The following SLC4A5 variants were observed in gnomAD, a reference collection of about 807,000 sequenced individuals.
SLC4A5 encodes solute carrier family 4 member 5, also known as electrogenic sodium bicarbonate cotransporter 4.
Under a neutral mutation model 120.4 loss-of-function variants are expected in SLC4A5, and 96 were observed. That is an observed-to-expected ratio of 0.80 (90% CI 0.68 to 0.94). The LOEUF (loss-of-function observed/expected upper bound fraction) is 0.94. Among genes scored for constraint, SLC4A5 ranks in the 40% least tolerant of loss-of-function variants. The pLI is 0.00. For synonymous variants in SLC4A5, 550 were observed against 571.1 expected, an observed-to-expected ratio of 0.96 and a Z score of 0.53; for missense variants, 1,259 against 1,459.5, an observed-to-expected ratio of 0.86 and a Z score of 2.24.
rs902043584 is a variant in SLC4A5, at chr2:74,221,017, A to AT, written c.*33+416dup. ...CACCATGCCCAGCTAATTTTTTTGT[A>AT]TTTTTTTAGTAGAGACGGGGTTTCA... is the stretch of plus-strand genomic sequence containing the variant. On this transcript the variant is annotated intron_variant, in intron 30 of 30. Transcript: ENST00000394019. Among the ~76,000 whole-genome samples, 6 of 134,060 alleles carry AT rather than the reference A, an allele frequency of 4.5e-5. No individual in the cohort carries two copies. The South Asian group carries it at 7.3e-4, about 16-fold the overall frequency. 87.9% of individuals were successfully genotyped at this position (134,060 alleles called of 152,430 possible). A position where few individuals can be genotyped will look rare whatever the true frequency, so the allele number is the denominator to read the frequency against.
At chr2:74,259,400 C>T (rs1162381928) in intron 12 of SLC4A5, among the ~76,000 whole-genome samples, 188 bp downstream of exon 12, 4 of 152,186 alleles carry the variant, frequency 2.6e-5, no homozygotes, top group Non-Finnish European at 4.4e-5. Flanking sequence ...CCTGGGACTC[C>T]GTCATTCCCC....
intron 6 of SLC4A5, among the ~76,000 whole-genome samples, chr2:74,311,623 C>T (rs1672807870): frequency 6.6e-6 from 1 of 151,836 alleles, no homozygotes; most frequent in Non-Finnish European, 1.5e-5. Context: ...AGTAATCTTT[C>T]TGTTATTGAT....
At chr2:74,316,968 T>C (rs1028515170) in intron 5 of SLC4A5, among the ~76,000 whole-genome samples, 3 of 152,250 alleles carry the variant, frequency 2.0e-5, no homozygotes, top group Admixed American at 2.0e-4. Flanking sequence ...TTAAATGTTA[T>C]GGCTCCATCC....
intron 8 of SLC4A5, among the ~76,000 whole-genome samples, chr2:74,276,469 T>G (rs1671642851): frequency 6.6e-6 from 1 of 152,208 alleles, no homozygotes; most frequent in African/African-American, 2.4e-5. Context: ...TAGGGATTGA[T>G]GTAGTGCTGC....
At chr2:74,259,684 G>A (rs539663802) in intron 11 of SLC4A5, 41 bp from the exon 12 acceptor site, 1 of 1,604,260 alleles carries the variant, frequency 6.2e-7, no homozygotes, top group East Asian at 2.2e-5. Context: ...GGGAAGCCAG[G>A]CTCTTGCAGG....
intron 21 of SLC4A5, 107 bp downstream of exon 21, chr2:74,239,228 G>T: frequency 9.7e-7 from 1 of 1,028,796 alleles, no homozygotes. Context: ...AACCCCAGTG[G>T]GCCAGTGCTC....
intron 8 of SLC4A5, among the ~76,000 whole-genome samples, chr2:74,277,767 A>G (rs186840737): frequency 4.9e-4 from 75 of 152,302 alleles, no homozygotes; most frequent in Admixed American, 2.2e-3. Context: ...AATCTAGACT[A>G]GATAACCAAT....
intron 21 of SLC4A5, among the ~76,000 whole-genome samples, chr2:74,237,873 G>C (rs530561768): frequency 6.6e-6 from 1 of 152,094 alleles, no homozygotes; most frequent in Non-Finnish European, 1.5e-5. Flanking sequence ...AGGCTGAGGT[G>C]GGGGGATCAC....
intron 28 of SLC4A5, among the ~76,000 whole-genome samples, chr2:74,224,368 A>G (rs1026986338): frequency 4.6e-5 from 7 of 151,944 alleles, no homozygotes; most frequent in African/African-American, 1.7e-4. Flanking sequence ...TGTCCTCAAT[A>G]CCCTAGGCAA....
intron 30 of SLC4A5, among the ~76,000 whole-genome samples, chr2:74,219,880 G>A (rs553722458): frequency 4.6e-5 from 7 of 152,294 alleles, no homozygotes; most frequent in African/African-American, 7.2e-5. Context: ...TGACACTTTG[G>A]GCTAGAGCAT....
chr2:74,227,701 AGGACAATTGG>A (rs1314004228), intron 26 of SLC4A5, 99 bp downstream of exon 26: 11 of 1,206,968 alleles, frequency 9.1e-6, no homozygotes, highest in South Asian at 7.3e-5. Flanking sequence ...TCATTGAATT[AGGACAATTGG>A]GGACAATTGG....
At chr2:74,279,942 C>T (rs1416934382) in intron 8 of SLC4A5, among the ~76,000 whole-genome samples, 1 of 152,122 alleles carries the variant, frequency 6.6e-6, no homozygotes, top group Non-Finnish European at 1.5e-5. Context: ...AGCATCTCTC[C>T]CTTGGACCAG....
intron 28 of SLC4A5, 47 bp from the exon 29 acceptor site, chr2:74,222,999 T>G (rs781129527): frequency 4.4e-6 from 6 of 1,377,282 alleles, no homozygotes; most frequent in South Asian, 4.0e-5. Context: ...ACACAACAAT[T>G]TGGCTTTCTT....
At chr2:74,256,756 G>A (rs540327418) in intron 12 of SLC4A5, among the ~76,000 whole-genome samples, 112 of 152,258 alleles carry the variant, frequency 7.4e-4, no homozygotes, top group African/African-American at 2.6e-3. Flanking sequence ...AGTCCTTAAC[G>A]TCTTAGAATG....
At chr2:74,336,609 C>T (rs199569694) in intron 3 of SLC4A5, among the ~76,000 whole-genome samples, 35 of 152,210 alleles carry the variant, frequency 2.3e-4, no homozygotes, top group Middle Eastern at 3.4e-3. Flanking sequence ...CATTTACAGA[C>T]GAAAAAACTA....
At chr2:74,230,342 C>A (rs1670030531) in intron 25 of SLC4A5, among the ~76,000 whole-genome samples, 1 of 152,012 alleles carries the variant, frequency 6.6e-6, no homozygotes, top group African/African-American at 2.4e-5. Context: ...CAGAAAGAGA[C>A]CCTTGTGGGG....
intron 6 of SLC4A5, among the ~76,000 whole-genome samples, chr2:74,308,412 T>C (rs1276118030): frequency 6.6e-6 from 1 of 152,252 alleles, no homozygotes; most frequent in African/African-American, 2.4e-5. Flanking sequence ...TTTTAAAAAA[T>C]AGCCATTCTA....
intron 28 of SLC4A5, 54 bp downstream of exon 28, chr2:74,224,786 G>C: frequency 6.3e-7 from 1 of 1,576,788 alleles, no homozygotes; most frequent in East Asian, 2.2e-5. Flanking sequence ...TGGCAAAAGT[G>C]GAGAGAAGGT....
At chr2:74,332,753 AAGAG>A (rs111629783) in intron 4 of SLC4A5, among the ~76,000 whole-genome samples, 3,886 of 151,268 alleles carry the variant, frequency 0.026, 157 homozygotes, top group African/African-American at 0.089. Context: ...ATGTGCATGA[AAGAG>A]AGAGAGAGAT....
Sources: allele counts gnomAD v4.1 joint callset (sites outside exome capture counted in the v4.1 genomes callset), GRCh38; gene constraint gnomAD v4.1.1; transcripts MANE v1.5; gene names NCBI Gene and HGNC (gene_info 2026-07-23, HGNC 2026-07-21).